The following ZNF407 variants were observed in gnomAD, a reference collection of about 807,000 sequenced individuals.
ZNF407 encodes the protein zinc finger protein 407.
In ZNF407, 17 loss-of-function variants were observed where a neutral mutation model predicts 131.2. The ratio of observed to expected loss-of-function variants is 0.13; its 90% confidence interval spans 0.09 to 0.19. The LOEUF is 0.19. Ranked by LOEUF, ZNF407 falls within the 10% of genes least tolerant of loss-of-function variation. ZNF407 has a pLI of 1.00. For missense variants in ZNF407, 2,681 were observed against 2,830.6 expected (o/e 0.95, Z 1.20); for synonymous variants, 1,156 against 1,062.0 (o/e 1.09, Z -1.72).
At chr18:75,030,835 C>T (rs1448767932) in intron 8 of ZNF407, among the ~76,000 whole-genome samples, 1 of 152,206 alleles carries the variant, frequency 6.6e-6, no homozygotes, top group Non-Finnish European at 1.5e-5. Context: ...GATTTTACCA[C>T]CCTCTCCATT....
chr18:75,046,272 G>A lies in ZNF407; in HGVS notation c.5429-16878G>A, dbSNP rs546106084. ...GTATCATGTTTCCTATAGACTAAGC[G>A]GTGATCAGAGCCGGGCTGCCCAGCC... is the stretch of plus-strand genomic sequence containing the variant. On this transcript the variant is annotated intron_variant, in intron 8 of 8. Coordinates refer to ENST00000299687, the MANE Select transcript of ZNF407 (RefSeq NM_017757.3). Among the ~76,000 whole-genome samples the A allele has an allele frequency of 3.9e-5, 6 of 152,200 alleles. No homozygotes were observed. The South Asian group carries it at 6.2e-4, about 16-fold the overall frequency.
intron 8 of ZNF407, among the ~76,000 whole-genome samples, chr18:74,966,517 G>A (rs907476677): frequency 6.6e-6 from 1 of 152,116 alleles, no homozygotes; most frequent in Admixed American, 6.5e-5. Flanking sequence ...TGTTCCCTGG[G>A]TCTGTGTGTC....
intron 4 of ZNF407, among the ~76,000 whole-genome samples, chr18:74,788,347 C>G (rs1205497816): frequency 6.6e-6 from 1 of 152,126 alleles, no homozygotes; most frequent in Non-Finnish European, 1.5e-5. Context: ...GAGCATTGTG[C>G]ATCCCTGTGA....
intron 3 of ZNF407, among the ~76,000 whole-genome samples, chr18:74,695,552 A>G (rs73482724): frequency 0.017 from 2,522 of 152,160 alleles, 79 homozygotes; most frequent in African/African-American, 0.058. Flanking sequence ...GAAAAAAAAA[A>G]AAAGCCCTTG....
chr18:74,604,259 GT>G (rs1362513454), intron 1 of ZNF407, among the ~76,000 whole-genome samples: 1 of 152,198 alleles, frequency 6.6e-6, no homozygotes, highest in Non-Finnish European at 1.5e-5. Context: ...TCCTTGCCTA[GT>G]TTTTCTCCTT....
At chr18:74,983,497 C>CCTAA (rs3061451) in intron 8 of ZNF407, among the ~76,000 whole-genome samples, 32,717 of 151,994 alleles carry the variant, frequency 0.22, 4,082 homozygotes, top group African/African-American at 0.32. Context: ...TTGCTCAGTT[C>CCTAA]CTAAGGCCCT....
chr18:75,027,958 C>T lies in ZNF407; in HGVS notation c.5429-35192C>T, dbSNP rs559456866. Among the ~76,000 whole-genome samples the T allele has an allele frequency of 3.3e-4, 51 of 152,294 alleles. 1 individual carries two copies. The South Asian group carries it at 1.0e-2, about 30-fold the overall frequency. On this transcript the variant is annotated intron_variant, in intron 8 of 8. Transcript: ENST00000299687. ...TGAGAGAACACGCTGCTGCACTGTG[C>T]CGTGGCAATGGTAATGTGAGCACAA...
intron 3 of ZNF407, among the ~76,000 whole-genome samples, chr18:74,727,672 A>G (rs993086833): frequency 6.6e-6 from 1 of 152,198 alleles, no homozygotes; most frequent in South Asian, 2.1e-4. Flanking sequence ...CCTTCCCCGA[A>G]TATATGTTAG....
chr18:74,692,142 AAT>A (rs1227905524), intron 3 of ZNF407, among the ~76,000 whole-genome samples: 2 of 151,774 alleles, frequency 1.3e-5, no homozygotes, highest in Non-Finnish European at 2.9e-5. Flanking sequence ...TGTGGAAAAA[AAT>A]ATATATATAC....
chr18:74,798,042 A>G (rs962068005), intron 4 of ZNF407, among the ~76,000 whole-genome samples: 6 of 152,156 alleles, frequency 3.9e-5, no homozygotes, highest in African/African-American at 7.2e-5. Context: ...GCGCAAACGC[A>G]TTTAAATTTT....
chr18:74,695,889 A>G (rs983478701), intron 3 of ZNF407, among the ~76,000 whole-genome samples: 2 of 152,182 alleles, frequency 1.3e-5, no homozygotes, highest in Non-Finnish European at 2.9e-5. Flanking sequence ...ATCTACATAA[A>G]TATATTATGA....
intron 3 of ZNF407, among the ~76,000 whole-genome samples, chr18:74,774,200 G>A (rs1568209536): frequency 6.6e-6 from 1 of 152,198 alleles, no homozygotes; most frequent in African/African-American, 2.4e-5. Flanking sequence ...GAGAGAGTAT[G>A]TCACAAAAAG....
chr18:74,795,916 A>C (rs1244415215), intron 4 of ZNF407, among the ~76,000 whole-genome samples: 1 of 152,240 alleles, frequency 6.6e-6, no homozygotes, highest in Admixed American at 6.5e-5. Flanking sequence ...AGTCCTCCAC[A>C]TGTGGCATTT....
chr18:74,840,577 G>T (rs1025298361), intron 4 of ZNF407, among the ~76,000 whole-genome samples: 1 of 152,012 alleles, frequency 6.6e-6, no homozygotes, highest in Admixed American at 6.6e-5. Context: ...GATAGATCTT[G>T]CTTGTTGCCC....
intron 3 of ZNF407, among the ~76,000 whole-genome samples, chr18:74,641,964 T>A (rs1232043854): frequency 6.6e-6 from 1 of 152,028 alleles, no homozygotes; most frequent in Non-Finnish European, 1.5e-5. Flanking sequence ...TTCTTATGGC[T>A]AATTCACAAA....
chr18:74,818,322 A>T (rs979703978), intron 4 of ZNF407, among the ~76,000 whole-genome samples: 1 of 152,194 alleles, frequency 6.6e-6, no homozygotes, highest in Non-Finnish European at 1.5e-5. Flanking sequence ...TATTTGATTT[A>T]TTAAAATGAG....
intron 3 of ZNF407, among the ~76,000 whole-genome samples, chr18:74,680,996 C>T (rs1172480578): frequency 2.0e-5 from 3 of 152,108 alleles, no homozygotes; most frequent in Non-Finnish European, 4.4e-5. Context: ...ATATCTTTAG[C>T]ACTGTGCTTG....
At chr18:74,828,982 A>AAT (rs1970446796) in intron 4 of ZNF407, among the ~76,000 whole-genome samples, 1 of 152,218 alleles carries the variant, frequency 6.6e-6, no homozygotes, top group South Asian at 2.1e-4. Context: ...AATCAGACAC[A>AAT]ATAGAAAGGG....
intron 8 of ZNF407, among the ~76,000 whole-genome samples, chr18:74,929,370 T>C (rs1186329640): frequency 1.1e-4 from 16 of 152,012 alleles, no homozygotes; most frequent in Non-Finnish European, 5.9e-5. Context: ...GTGAACTGGA[T>C]TTTGAAAGTT....
Sources: gnomAD v4.1 joint callset for allele counts (sites outside exome capture counted in the v4.1 genomes callset) on GRCh38, gnomAD v4.1.1 for gene constraint, MANE v1.5 for transcripts, NCBI Gene and HGNC (gene_info 2026-07-23, HGNC 2026-07-21) for gene names.